Variants in CCDC14 observed in about 807,000 individuals in gnomAD.
The protein encoded by CCDC14 is coiled-coil domain-containing protein 14.
In CCDC14, 71 loss-of-function variants were observed where a neutral mutation model predicts 81.4. That is an observed-to-expected ratio of 0.87 (90% confidence interval 0.72 to 1.06). CCDC14 has a LOEUF of 1.06. Among genes scored for constraint, CCDC14 ranks in the 50% least tolerant of loss-of-function variants. The pLI, the probability that CCDC14 is intolerant of heterozygous loss-of-function variation, is 0.00. For synonymous variants in CCDC14, 332 were observed against 364.8 expected (o/e 0.91, Z 1.03); for missense variants, 1,046 against 1,047.3 (o/e 1.00, Z 0.02).
intron 5 of CCDC14, among the ~76,000 whole-genome samples, chr3:123,904,622 G>GA (rs35632545): frequency 0.021 from 3,092 of 144,444 alleles, 83 homozygotes; most frequent in African/African-American, 0.058. Flanking sequence ...TGGAAAAAAA[G>GA]AAAAAAAAAA....
chr3:123,948,520 G>A (rs981195417), intron 7 of CCDC14, among the ~76,000 whole-genome samples, 171 bp downstream of exon 7: 7 of 151,734 alleles, frequency 4.6e-5, no homozygotes, highest in South Asian at 2.1e-4. Context: ...GATTACAGGC[G>A]TTTAGCCACG....
chr3:123,898,504 G>A (rs1347995341), intron 5 of CCDC14, among the ~76,000 whole-genome samples: 1 of 152,160 alleles, frequency 6.6e-6, no homozygotes, highest in Non-Finnish European at 1.5e-5. Flanking sequence ...ACTGTGAGCT[G>A]TGACCCATGG....
intron 12 of CCDC14, among the ~76,000 whole-genome samples, chr3:123,923,174 T>C (rs2035153500): frequency 6.6e-6 from 1 of 152,026 alleles, no homozygotes; most frequent in Non-Finnish European, 1.5e-5. Flanking sequence ...ATGAAGAATT[T>C]AAAACTATAT....
intron 12 of CCDC14, among the ~76,000 whole-genome samples, chr3:123,927,937 T>C (rs1316969266): frequency 6.6e-6 from 1 of 152,186 alleles, no homozygotes; most frequent in East Asian, 1.9e-4. Flanking sequence ...ATGGAGCATC[T>C]TTATTCAGAG....
chr3:123,915,248 GA>G lies in CCDC14; in HGVS notation c.2248del (p.Ser750ProfsTer6). On this transcript the variant is annotated frameshift_variant, in exon 13 of 13. Transcript: ENST00000409697. LOFTEE classifies it low-confidence loss of function (END_TRUNC). Reference protein sequence around the residue: ...EKKSPLSKRLSPQPQIRAATT... With the variant: ...EKKSPLSKRLXPQPQIRAATT... ...AGCTGCTCTTATTTGTGGCTGAGGG[GA>G]TAGTCTCTTAGAAAGTGGTGATTTC... is the stretch of plus-strand genomic sequence containing the variant. 1 of 1,613,884 alleles carries G rather than the reference GA, an allele frequency of 6.2e-7. No homozygotes were observed. The highest frequency in any genetic ancestry group is 8.5e-7 in the Non-Finnish European group (1 of 1,179,872).
intron 5 of CCDC14, among the ~76,000 whole-genome samples, chr3:123,900,440 G>T (rs1417536615): frequency 6.6e-5 from 10 of 152,134 alleles, no homozygotes; most frequent in Admixed American, 1.3e-4. Context: ...GGACTCCTCT[G>T]GTCCTTCCCC....
At chr3:123,960,374 T>C (rs1276844945) in intron 1 of CCDC14, among the ~76,000 whole-genome samples, 1 of 152,176 alleles carries the variant, frequency 6.6e-6, no homozygotes, top group East Asian at 1.9e-4. Context: ...AAGTCATACA[T>C]CTACTAGGTA....
chr3:123,908,333 G>T (rs763188939), intron 5 of CCDC14, among the ~76,000 whole-genome samples: 1 of 152,078 alleles, frequency 6.6e-6, no homozygotes, highest in Non-Finnish European at 1.5e-5. Context: ...TGGGGCTCTA[G>T]GCCCTTCAAA....
chr3:123,916,436 C>T (rs1400731657), intron 12 of CCDC14, among the ~76,000 whole-genome samples: 1 of 149,378 alleles, frequency 6.7e-6, no homozygotes, highest in Non-Finnish European at 1.5e-5. Flanking sequence ...ATGGATTCTG[C>T]TAGGAATTAT....
chr3:123,930,924 G>T lies in CCDC14; in HGVS notation c.1778+178C>A, dbSNP rs188472741. ...TTTAAAAAAACATTTCGCCAGGTTT[G>T]AAATTCCTAAACTAATTTAATTGGA... On this transcript the variant is annotated intron_variant, in intron 12 of 12. Coordinates refer to ENST00000409697, the MANE Select transcript of CCDC14 (RefSeq NM_001366335.1). The T allele has an allele frequency of 8.0e-4, 461 of 578,598 alleles. 7 individuals are homozygous for T. In the South Asian group the frequency reaches 0.01, roughly 13 times the overall value. 35.8% of individuals were successfully genotyped at this position (578,598 alleles called of 1,614,324 possible). A position where few individuals can be genotyped will look rare whatever the true frequency, so the allele number is the denominator to read the frequency against.
chr3:123,947,039 T>G lies in CCDC14; in HGVS notation c.965A>C (p.Gln322Pro). The change falls in exon 8 of 13, where the codon CAG becomes CCG. Residue 322 changes from glutamine to proline, a missense_variant. Coordinates refer to ENST00000409697, the MANE Select transcript of CCDC14 (RefSeq NM_001366335.1). ...SHGKETHLDS[Q>P]THRSPTQSQP... ...TGACTGAGTAGGGCTTCGGTGTGTC[T>G]GACTGTCCAGATGCGTTTCTTTTCC... The G allele has an allele frequency of 1.2e-6, 2 of 1,614,032 alleles. No individual in the cohort carries two copies. The highest frequency in any genetic ancestry group is 1.7e-6 in the Non-Finnish European group (2 of 1,179,886).
Position 123,945,037 on chromosome 3 carries a change from A to G in CCDC14, c.1202-47T>C, listed in dbSNP as rs199713333. On this transcript the variant is annotated intron_variant, in intron 8 of 12. Transcript: ENST00000409697. Reference sequence around the variant, plus strand: ...AGTAAAATCAATATTATATTTTTGGACAAGATTATTAGTATGTATTACTAA... The same window carrying G: ...AGTAAAATCAATATTATATTTTTGGGCAAGATTATTAGTATGTATTACTAA... 5.0e-6 allele frequency: 7 copies of G among 1,389,800 alleles called. No homozygotes were observed. The Admixed American group carries it at 1.2e-4, about 23-fold the overall frequency. 86.1% of individuals were successfully genotyped at this position (1,389,800 alleles called of 1,614,324 possible).
chr3:123,944,781 T>C (rs919790979), intron 9 of CCDC14, 68 bp downstream of exon 9: 3 of 1,267,506 alleles, frequency 2.4e-6, no homozygotes, highest in Middle Eastern at 3.9e-4. Context: ...GGTATGTCAT[T>C]TGCACCTTTG....
the CCDC14 span, among the ~76,000 whole-genome samples, chr3:123,886,369 TTTCTTTCC>T: frequency 0.47 from 68,387 of 146,462 alleles, 18,160 homozygotes; most frequent in Non-Finnish European, 0.62. Flanking sequence ...TTTTTCTTTC[TTTCTTTCC>T]TTCTTTCCTT....
intron 5 of CCDC14, chr3:123,955,620 C>T (rs2037279670): frequency 2.8e-6 from 1 of 353,080 alleles, no homozygotes; most frequent in Non-Finnish European, 5.0e-6. Context: ...TTTTCTCCTA[C>T]AAAACCCTGA....
the CCDC14 span, among the ~76,000 whole-genome samples, chr3:123,886,808 T>G: frequency 6.6e-6 from 1 of 152,214 alleles, no homozygotes; most frequent in Admixed American, 6.5e-5. Flanking sequence ...ACAGAGCTAC[T>G]AAAGAATACT....
At chr3:123,913,405 G>A (rs191822220), downstream of CCDC14, 14 of 983,142 alleles carry the variant, frequency 1.4e-5, no homozygotes, top group Admixed American at 5.5e-4. Context: ...ATATTTGGGA[G>A]TAGACAGATG....
In CCDC14 at chr3:123,931,161, T is replaced by C; in HGVS notation, c.1719A>G (p.Ile573Met). ...KLETAEKENQ[I>M]LGITLRQRDA... is the part of the protein sequence containing the mutation. ...CACGCTGACGTAATGTTATCCCCAA[T>C]ATCTGGTTTTCCTTTTCAGCAGTTT... The change falls in exon 12 of 13, where the codon ATA (isoleucine) becomes ATG (methionine). Residue 573 changes from isoleucine (I) to methionine (M), a missense_variant. Ile to Met is a conservative substitution (Grantham distance 10). Transcript: ENST00000409697. 1 of 1,613,054 alleles carries C rather than the reference T, an allele frequency of 6.2e-7. No homozygotes were observed. Among genetic ancestry groups the C allele is most frequent in the Non-Finnish European group, 8.5e-7 (1 of 1,179,630 alleles).
At chr3:123,894,761 T>TA (rs1206558647), downstream of CCDC14, among the ~76,000 whole-genome samples, 2 of 152,256 alleles carry the variant, frequency 1.3e-5, no homozygotes, top group African/African-American at 4.8e-5. Flanking sequence ...ATTGCTAACA[T>TA]ACTTAAATAT....
Sources: gnomAD v4.1 joint callset for allele counts (sites outside exome capture counted in the v4.1 genomes callset) on GRCh38, gnomAD v4.1.1 for gene constraint, MANE v1.5 for transcripts, NCBI Gene and HGNC (gene_info 2026-07-23, HGNC 2026-07-21) for gene names.